The following DDX60L variants were observed in gnomAD, a reference collection of about 807,000 sequenced individuals.
DDX60L encodes the protein DExD/H-box 60 like.
DDX60L carries 191 observed loss-of-function variants against 211.6 expected under a neutral mutation model. That is an observed-to-expected ratio of 0.90 (90% confidence interval 0.80 to 1.02). DDX60L has a LOEUF of 1.02. Ranked by LOEUF, DDX60L falls within the 50% of genes least tolerant of loss-of-function variation. DDX60L has a pLI of 0.00. For synonymous variants in DDX60L, 706 were observed against 694.1 expected (o/e 1.02, Z -0.27); for missense variants, 2,007 against 1,984.1 (o/e 1.01, Z -0.22).
At chr4:168,368,751 T>C (rs1042083876) in intron 36 of DDX60L, among the ~76,000 whole-genome samples, 1 of 152,230 alleles carries the variant, frequency 6.6e-6, no homozygotes, top group African/African-American at 2.4e-5. Context: ...AACCCACCTC[T>C]TGCATCAGCA....
chr4:168,459,774 G>GGGAAGGAAGGAAGGAGGGAA, intron 5 of DDX60L, among the ~76,000 whole-genome samples: 2 of 56,906 alleles, frequency 3.5e-5, no homozygotes, highest in Non-Finnish European at 6.8e-5. Flanking sequence ...GAAGGAAGGA[G>GGGAAGGAAGGAAGGAGGGAA]GGAAGGAAGG....
intron 8 of DDX60L, among the ~76,000 whole-genome samples, chr4:168,450,460 T>A (rs1755653090): frequency 7.0e-6 from 1 of 143,716 alleles, no homozygotes; most frequent in Non-Finnish European, 1.5e-5. Context: ...ATAATAAAAC[T>A]CTGGTCTCCC....
chr4:168,370,007 T>C (rs1289484926), intron 36 of DDX60L, among the ~76,000 whole-genome samples: 1 of 152,136 alleles, frequency 6.6e-6, no homozygotes, highest in Non-Finnish European at 1.5e-5. Flanking sequence ...TGGAAAACAG[T>C]GTGTAAATTC....
chr4:168,460,621 CAA>C (rs369819054), intron 5 of DDX60L, among the ~76,000 whole-genome samples: 11 of 145,804 alleles, frequency 7.5e-5, no homozygotes, highest in Non-Finnish European at 1.5e-4. Flanking sequence ...ATAACACTAA[CAA>C]AAAAAAAAAG....
intron 28 of DDX60L, among the ~76,000 whole-genome samples, chr4:168,393,878 T>C (rs1221667826): frequency 6.6e-6 from 1 of 152,118 alleles, no homozygotes; most frequent in Non-Finnish European, 1.5e-5. Context: ...AAGAACTGTG[T>C]CCTAGATACT....
rs558645110 is a variant in DDX60L at position 168,429,735 on chromosome 4, G to A, written c.1677+743C>T. Among the ~76,000 whole-genome samples the A allele has an allele frequency of 7.2e-5, 11 of 152,296 alleles. No individual in the cohort carries two copies. The South Asian group carries it at 2.3e-3, about 32-fold the overall frequency. ...GAGGTGACTGCATCATGGGGAGGGG[G>A]TTTCCGATAAATGGTTAACACCATC... On this transcript the variant is annotated intron_variant, in intron 13 of 37. Coordinates refer to ENST00000682922, the MANE Select transcript of DDX60L (RefSeq NM_001012967.3).
At chr4:168,431,555 G>A (rs944329521) in intron 12 of DDX60L, among the ~76,000 whole-genome samples, 7 of 136,450 alleles carry the variant, frequency 5.1e-5, no homozygotes, top group African/African-American at 1.9e-4. Context: ...ACTGTTGTGC[G>A]GTGGGGGGTG....
chr4:168,383,769 G>T (rs1266143703), intron 30 of DDX60L, among the ~76,000 whole-genome samples: 4 of 152,146 alleles, frequency 2.6e-5, no homozygotes, highest in African/African-American at 4.8e-5. Context: ...CAAGTGCACT[G>T]GTTCACACCT....
intron 25 of DDX60L, among the ~76,000 whole-genome samples, chr4:168,401,826 A>T (rs1452348269): frequency 1.3e-5 from 2 of 152,238 alleles, no homozygotes; most frequent in Non-Finnish European, 2.9e-5. Flanking sequence ...AATACACTGA[A>T]GAAACAAAGA....
In DDX60L at chr4:168,373,824, T is replaced by C. The variant is rs200259233; in HGVS notation, c.4634-16A>G. Reference sequence around the variant, plus strand: ...CCTGTGAATTCTGACCATTTTGGACTAGGTCACGTTAGGTTTTAAAAATCA... The same window carrying C: ...CCTGTGAATTCTGACCATTTTGGACCAGGTCACGTTAGGTTTTAAAAATCA... On this transcript the variant is annotated splice_polypyrimidine_tract_variant and intron_variant, in intron 34 of 37. Transcript: ENST00000682922. 3.1e-6 allele frequency: 5 copies of C among 1,607,664 alleles called. No homozygotes were observed. The Admixed American group carries it at 5.1e-5, about 16-fold the overall frequency.
At chr4:168,441,303 G>T in intron 10 of DDX60L, 34 bp downstream of exon 10, 1 of 1,542,026 alleles carries the variant, frequency 6.5e-7, no homozygotes, top group Non-Finnish European at 8.8e-7. Flanking sequence ...GGACAAACAT[G>T]CTTTTGTTCC....
At chr4:168,369,339 T>A (rs1740547269) in intron 36 of DDX60L, among the ~76,000 whole-genome samples, 1 of 152,152 alleles carries the variant, frequency 6.6e-6, no homozygotes, top group Admixed American at 6.5e-5. Flanking sequence ...TGCGGCCATG[T>A]GAGACATGTC....
At position 168,422,677 on chromosome 4, in the gene DDX60L, T is replaced by C. The variant is rs1253058655; in HGVS notation, c.2098-7A>G. On this transcript the variant is annotated splice_polypyrimidine_tract_variant and splice_region_variant and intron_variant, in intron 15 of 37. Transcript: ENST00000682922. ...TATTTTTGTCATCTCCTATCTGTTA[T>C]TTTAATATATTATTTGAAATCAACT... 1 of 1,541,044 alleles carries C rather than the reference T, an allele frequency of 6.5e-7. No homozygotes were observed. The highest frequency in any genetic ancestry group is 2.0e-5 in the Admixed American group (1 of 50,400).
chr4:168,392,923 A>G (rs888748616), intron 28 of DDX60L, among the ~76,000 whole-genome samples: 2 of 151,776 alleles, frequency 1.3e-5, no homozygotes, highest in African/African-American at 4.8e-5. Context: ...ATGGCTATTC[A>G]TTCATTTATA....
intron 35 of DDX60L, 22 bp downstream of exon 35, chr4:168,373,644 A>G: frequency 6.2e-7 from 1 of 1,609,026 alleles, no homozygotes; most frequent in Non-Finnish European, 8.5e-7. Context: ...CATTTTGTAC[A>G]TAAGATGTAT....
intron 37 of DDX60L, among the ~76,000 whole-genome samples, chr4:168,359,386 C>G (rs962939731): frequency 2.6e-5 from 4 of 152,164 alleles, no homozygotes; most frequent in African/African-American, 9.6e-5. Context: ...AAGTCATCAT[C>G]ATGTATTCCC....
chr4:168,456,526 T>C lies in DDX60L; in HGVS notation c.724-374A>G, dbSNP rs538635805. Among the ~76,000 whole-genome samples the C allele has an allele frequency of 2.3e-4, 35 of 152,248 alleles. No homozygotes were observed. In the East Asian group the frequency reaches 5.4e-3, roughly 23 times the overall value. The stretch of plus-strand genomic sequence containing the variant: ...AAAATTAGCTTGTTATAAATATCAA[T>C]AATATCAAAAATTTTAAAATAATAT... On this transcript the variant is annotated intron_variant, in intron 6 of 37. Coordinates refer to ENST00000682922, the MANE Select transcript of DDX60L (RefSeq NM_001012967.3).
At chr4:168,399,493 G>A (rs533657153) in intron 26 of DDX60L, among the ~76,000 whole-genome samples, 1 of 152,198 alleles carries the variant, frequency 6.6e-6, no homozygotes, top group Non-Finnish European at 1.5e-5. Context: ...GCTGTGTGCA[G>A]CAAAGGTGCC....
chr4:168,376,099 G>T (rs1741900742), intron 33 of DDX60L, among the ~76,000 whole-genome samples: 2 of 152,154 alleles, frequency 1.3e-5, no homozygotes, highest in South Asian at 4.1e-4. Context: ...CAAATTTCAT[G>T]TTTAAAAACA....
Sources: allele counts gnomAD v4.1 joint callset (sites outside exome capture counted in the v4.1 genomes callset), GRCh38; gene constraint gnomAD v4.1.1; transcripts MANE v1.5; gene names NCBI Gene and HGNC (gene_info 2026-07-23, HGNC 2026-07-21).